The following ESRP1 variants were observed in gnomAD, a reference collection of about 807,000 sequenced individuals.
ESRP1 encodes the protein RNA-binding motif protein 35A.
A neutral mutation model predicts 81.7 loss-of-function variants in ESRP1; 33 were observed. The ratio of observed to expected loss-of-function variants is 0.40; its 90% CI spans 0.31 to 0.54. The LOEUF is 0.54. Among genes scored for constraint, ESRP1 ranks in the 20% least tolerant of loss-of-function variants. The pLI, the probability that ESRP1 is intolerant of heterozygous loss-of-function variation, is 0.41. For missense variants in ESRP1, 672 were observed against 833.1 expected, an observed-to-expected ratio of 0.81 and a Z score of 2.38; for synonymous variants, 320 against 303.3, an observed-to-expected ratio of 1.06 and a Z score of -0.57.
chr8:94,669,780 G>A (rs1487090059), intron 10 of ESRP1, among the ~76,000 whole-genome samples: 1 of 149,318 alleles, frequency 6.7e-6, no homozygotes, highest in African/African-American at 2.5e-5. Flanking sequence ...TGAGGCAGGA[G>A]AATCGCTTGA....
rs1399660249 is a variant in ESRP1, at chr8:94,671,524, G to A, written c.1305G>A (p.Gln435=). ...CTCCCATTATTCCAGTACTACCTCA[G>A]CAATTTGTGCCCCCTACAAATGTTA... is the stretch of plus-strand genomic sequence containing the variant. ...PTPPIIPVLP[Q]QFVPPTNVRD... Residue 435 remains glutamine, a synonymous_variant, in exon 11 of 16, where the codon CAG becomes CAA. Transcript: ENST00000433389. 1.2e-6 allele frequency: 2 copies of A among 1,613,828 alleles called. No individual in the cohort carries two copies. Among genetic ancestry groups the A allele is most frequent in the Non-Finnish European group, 1.7e-6 (2 of 1,179,840 alleles).
At chr8:94,696,767 G>T in intron 14 of ESRP1, 85 bp from the exon 15 acceptor site, 1 of 1,038,768 alleles carries the variant, frequency 9.6e-7, no homozygotes, top group Non-Finnish European at 1.4e-6. Flanking sequence ...CTATACTTTT[G>T]TTGGTAGATC....
intron 10 of ESRP1, among the ~76,000 whole-genome samples, chr8:94,668,635 C>G (rs889154908): frequency 1.3e-5 from 2 of 152,162 alleles, no homozygotes; most frequent in Non-Finnish European, 2.9e-5. Context: ...ATGTAAAATG[C>G]TTAAAAACCT....
At chr8:94,674,670 T>G (rs541173935) in intron 12 of ESRP1, among the ~76,000 whole-genome samples, 164 bp downstream of exon 12, 1 of 152,320 alleles carries the variant, frequency 6.6e-6, no homozygotes, top group East Asian at 1.9e-4. Context: ...ATTTAAGACC[T>G]TGGTTGTGGA....
At chr8:94,667,043 T>C (rs111984687) in intron 9 of ESRP1, among the ~76,000 whole-genome samples, 26,453 of 142,392 alleles carry the variant, frequency 0.19, 2,621 homozygotes, top group Non-Finnish European at 0.23. Context: ...TCTCTACTAA[T>C]AATACACAAA....
chr8:94,691,109 T>G (rs562774585), intron 13 of ESRP1, among the ~76,000 whole-genome samples: 26 of 152,334 alleles, frequency 1.7e-4, no homozygotes, highest in African/African-American at 6.0e-4. Flanking sequence ...CATTTCTTCT[T>G]TCTCTAGTCT....
chr8:94,689,331 A>C (rs1366778018), intron 13 of ESRP1, among the ~76,000 whole-genome samples: 1 of 149,496 alleles, frequency 6.7e-6, no homozygotes, highest in African/African-American at 2.5e-5. Context: ...TTTTTCTTTT[A>C]ACAATGTTTT....
chr8:94,670,455 C>T (rs575165937), intron 10 of ESRP1, among the ~76,000 whole-genome samples: 2 of 152,196 alleles, frequency 1.3e-5, no homozygotes, highest in African/African-American at 4.8e-5. Context: ...TTTTTGTCCC[C>T]TCTTACTCAG....
Position 94,707,332 on chromosome 8 carries a change from T to G in ESRP1, c.*1443T>G, listed in dbSNP as rs985888061. ...TTAAGATCGAAAAGAAATTTCTGTATACTTGATGCCTTAAGATGCCCAAAG... is the reference window on the plus strand; with the variant it reads ...TTAAGATCGAAAAGAAATTTCTGTAGACTTGATGCCTTAAGATGCCCAAAG... On this transcript the variant is annotated 3_prime_UTR_variant, in exon 16 of 16. Coordinates refer to ENST00000433389, the MANE Select transcript of ESRP1 (RefSeq NM_017697.4). 28 of 152,300 alleles carry G rather than the reference T, an allele frequency of 1.8e-4. No homozygotes were observed. The highest frequency in any genetic ancestry group is 6.7e-4 in the African/African-American group (28 of 41,566). The allele number at this position is 152,300 out of a possible 1,614,324, so 9.4% of individuals were successfully genotyped here. A position where few individuals can be genotyped will look rare whatever the true frequency, so the allele number is the denominator to read the frequency against.
chr8:94,662,592 C>G (rs1554577052), intron 6 of ESRP1, 37 bp downstream of exon 6: 23 of 1,366,482 alleles, frequency 1.7e-5, no homozygotes, highest in Middle Eastern at 2.0e-4. Context: ...AGCTTTTTAA[C>G]TTGTTTTTTT....
rs1334570174 is a variant in ESRP1 at position 94,705,977 on chromosome 8, A to G, written c.*88A>G. 3 of 1,523,212 alleles carry G rather than the reference A, an allele frequency of 2.0e-6. No homozygotes were observed. The highest frequency in any genetic ancestry group is 2.6e-5 in the South Asian group (2 of 78,426). The allele number at this position is 1,523,212 out of a possible 1,614,324, so 94.4% of individuals were successfully genotyped here. A position where few individuals can be genotyped will look rare whatever the true frequency, so the allele number is the denominator to read the frequency against. ...AACCTCCAGACACAAGAAAACTTCT[A>G]GCAAATTCAGGGGAAGTTTGTCTAC... On this transcript the variant is annotated 3_prime_UTR_variant, in exon 16 of 16. Coordinates refer to ENST00000433389, the MANE Select transcript of ESRP1 (RefSeq NM_017697.4).
intron 9 of ESRP1, among the ~76,000 whole-genome samples, chr8:94,667,068 G>GGTGTGTGTGTGTGTGTGT (rs1163646804): frequency 0.03 from 4,377 of 144,218 alleles, 146 homozygotes; most frequent in African/African-American, 0.084. Flanking sequence ...CCAGGAGAGG[G>GGTGTGTGTGTGTGTGTGT]GTGTGTGTGT....
chr8:94,681,402 C>G (rs988270343), intron 13 of ESRP1, among the ~76,000 whole-genome samples: 2 of 145,646 alleles, frequency 1.4e-5, no homozygotes, highest in Non-Finnish European at 3.0e-5. Context: ...CTTTATGAGG[C>G]TGAGATGGGC....
At chr8:94,669,107 A>G (rs1377292732) in intron 10 of ESRP1, among the ~76,000 whole-genome samples, 1 of 152,190 alleles carries the variant, frequency 6.6e-6, no homozygotes, top group African/African-American at 2.4e-5. Context: ...TTTGAGGCAC[A>G]AAATGAGGCA....
intron 13 of ESRP1, among the ~76,000 whole-genome samples, chr8:94,679,446 T>C (rs893060292): frequency 3.3e-5 from 5 of 152,202 alleles, no homozygotes; most frequent in Middle Eastern, 3.2e-3. Flanking sequence ...AGGAATGGAA[T>C]CCTTGGTGTC....
At chr8:94,664,141 T>TTTTTTG (rs138058879) in intron 6 of ESRP1, among the ~76,000 whole-genome samples, 2,205 of 124,132 alleles carry the variant, frequency 0.018, 20 homozygotes, top group Non-Finnish European at 0.03. Context: ...TTTTTTTTTT[T>TTTTTTG]GAGAGGGAGT....
chr8:94,684,098 C>T (rs754648300), intron 13 of ESRP1, among the ~76,000 whole-genome samples: 24 of 152,132 alleles, frequency 1.6e-4, no homozygotes, highest in African/African-American at 4.8e-4. Flanking sequence ...GTACTAGCCT[C>T]GGCCTCCCTA....
At chr8:94,655,434 G>C (rs1357614517) in intron 4 of ESRP1, among the ~76,000 whole-genome samples, 1 of 148,830 alleles carries the variant, frequency 6.7e-6, no homozygotes, top group African/African-American at 2.5e-5. Flanking sequence ...ACTCCTCTCA[G>C]CTCATACCTA....
chr8:94,687,807 T>C (rs888794778), intron 13 of ESRP1, among the ~76,000 whole-genome samples: 2 of 152,202 alleles, frequency 1.3e-5, no homozygotes, highest in Non-Finnish European at 2.9e-5. Flanking sequence ...ATTCTAAATA[T>C]GAGATCTTAT....
Sources: allele counts gnomAD v4.1 joint callset (sites outside exome capture counted in the v4.1 genomes callset), GRCh38; gene constraint gnomAD v4.1.1; transcripts MANE v1.5; gene names NCBI Gene and HGNC (gene_info 2026-07-23, HGNC 2026-07-21).